PTPRN2: variants seen among roughly 807,000 people sequenced by gnomAD.
PTPRN2 encodes the protein receptor-type tyrosine-protein phosphatase N2.
PTPRN2 carries 74 observed loss-of-function variants against 118.8 expected under a neutral mutation model. That is an observed-to-expected ratio of 0.62 (90% confidence interval 0.52 to 0.76). PTPRN2 has a LOEUF of 0.76. Ranked by LOEUF, PTPRN2 falls within the 30% of genes least tolerant of loss-of-function variation. The probability of loss-of-function intolerance (pLI) is 0.00; values close to 1 mark genes in which losing one functional copy is unlikely to be tolerated. For synonymous variants in PTPRN2, 641 were observed against 608.0 expected, an observed-to-expected ratio of 1.05 and a Z score of -0.80; for missense variants, 1,481 against 1,394.4, an observed-to-expected ratio of 1.06 and a Z score of -0.99.
intron 3 of PTPRN2, among the ~76,000 whole-genome samples, chr7:158,236,121 C>T (rs1041371267): frequency 1.1e-4 from 17 of 152,304 alleles, no homozygotes; most frequent in African/African-American, 4.1e-4. Context: ...TGAGTAGATC[C>T]CAGGCACCAT....
intron 9 of PTPRN2, among the ~76,000 whole-genome samples, chr7:158,114,106 A>G (rs1351898169): frequency 6.6e-6 from 1 of 152,246 alleles, no homozygotes; most frequent in African/African-American, 2.4e-5. Flanking sequence ...TTGTAGGTGA[A>G]GGTGACAGCT....
chr7:158,524,305 AGTCGGCCCTGG>A (rs1824579105), intron 1 of PTPRN2, among the ~76,000 whole-genome samples: 1 of 35,486 alleles, frequency 2.8e-5, no homozygotes, highest in Non-Finnish European at 5.8e-5. Flanking sequence ...CCTGGAGTGG[AGTCGGCCCTGG>A]AGTGGAGTCT....
chr7:157,686,766 T>TGAG (rs1162798653), intron 12 of PTPRN2, among the ~76,000 whole-genome samples: 9 of 151,232 alleles, frequency 6.0e-5, no homozygotes, highest in East Asian at 3.9e-4. Context: ...AGAGAAGAAG[T>TGAG]GAGGAGGAGG....
chr7:158,462,099 T>C, intron 2 of PTPRN2, among the ~76,000 whole-genome samples: 1 of 22,806 alleles, frequency 4.4e-5, no homozygotes, highest in African/African-American at 1.2e-4. Context: ...CTCTGCTTTC[T>C]AGGTCCACAC....
At chr7:158,404,776 CCCAGCTCTCCGGCCT>C (rs1298675122) in intron 2 of PTPRN2, among the ~76,000 whole-genome samples, 1 of 144,882 alleles carries the variant, frequency 6.9e-6, no homozygotes, top group East Asian at 2.1e-4. Flanking sequence ...CTCCCCGGCC[CCCAGCTCTCCGGCCT>C]CCAGCTCCCT....
chr7:158,315,762 A>T (rs556179619), intron 3 of PTPRN2, among the ~76,000 whole-genome samples: 1 of 152,254 alleles, frequency 6.6e-6, no homozygotes, highest in Non-Finnish European at 1.5e-5. Flanking sequence ...GGGAAGAGAC[A>T]TATTAGATAG....
At chr7:157,820,184 A>C (rs1258181092) in intron 12 of PTPRN2, among the ~76,000 whole-genome samples, 2 of 147,868 alleles carry the variant, frequency 1.4e-5, no homozygotes, top group Non-Finnish European at 3.0e-5. Flanking sequence ...ACACTTATGC[A>C]CTCACATATA....
intron 12 of PTPRN2, among the ~76,000 whole-genome samples, chr7:157,829,434 C>T (rs1267595149): frequency 1.3e-5 from 2 of 152,198 alleles, no homozygotes; most frequent in African/African-American, 4.8e-5. Context: ...CGTGAGGCCA[C>T]AGATGCGGGC....
chr7:158,508,679 G>A (rs1385372918), intron 1 of PTPRN2, among the ~76,000 whole-genome samples: 22 of 86,102 alleles, frequency 2.6e-4, no homozygotes, highest in South Asian at 6.1e-4. Context: ...TGGGACGCTC[G>A]GAGCAGGTGC....
intron 11 of PTPRN2, among the ~76,000 whole-genome samples, chr7:157,960,122 G>A (rs1045534454): frequency 6.6e-6 from 1 of 150,796 alleles, no homozygotes; most frequent in African/African-American, 2.4e-5. Context: ...GAGGTCCCTA[G>A]GGTCATCAGA....
At position 158,121,536 on chromosome 7, in the gene PTPRN2, A is replaced by C. The variant is rs543427101; in HGVS notation, c.1557-10621T>G. Among the ~76,000 whole-genome samples, 136 of 152,314 alleles carry C rather than the reference A, an allele frequency of 8.9e-4. 1 individual carries two copies. The highest frequency in any genetic ancestry group is 3.3e-3 in the African/African-American group (136 of 41,560). ...AACTTCCCAATCAATGTTTGCTACC[A>C]AATTCCATGAGTCTCCTTTTCTAGC... is the stretch of plus-strand genomic sequence containing the variant. On this transcript the variant is annotated intron_variant, in intron 9 of 22. Transcript: ENST00000389418.
At chr7:157,755,470 G>A (rs558022107) in intron 12 of PTPRN2, among the ~76,000 whole-genome samples, 1 of 152,256 alleles carries the variant, frequency 6.6e-6, no homozygotes, top group Admixed American at 6.5e-5. Flanking sequence ...TCACGGGGGG[G>A]TTTGAGAAGT....
At chr7:158,466,996 G>A (rs1176109653) in intron 2 of PTPRN2, among the ~76,000 whole-genome samples, 4 of 152,160 alleles carry the variant, frequency 2.6e-5, no homozygotes, top group South Asian at 2.1e-4. Context: ...AGCTGAGATC[G>A]TGCCACTGTA....
At chr7:158,175,311 G>A (rs966188794) in intron 5 of PTPRN2, among the ~76,000 whole-genome samples, 5 of 152,306 alleles carry the variant, frequency 3.3e-5, no homozygotes, top group South Asian at 2.1e-4. Flanking sequence ...CACCGGATGC[G>A]GCCAGGTTTG....
chr7:157,576,741 G>A lies in PTPRN2; in HGVS notation c.2655C>T (p.Phe885=), dbSNP rs1800071100. 6.2e-7 allele frequency: 1 copy of A among 1,609,048 alleles called. No individual in the cohort carries two copies. Among genetic ancestry groups the A allele is most frequent in the Non-Finnish European group, 8.5e-7 (1 of 1,177,514 alleles). ...LVSEHIWCED[F]LVRSFYLKNL... is the part of the protein sequence containing the mutation. ...TCTTCAGATAGAAGCTCCTCACCAG[G>A]AAGTCCTCACACCAGATGTGCTCGG... is the stretch of plus-strand genomic sequence containing the variant. The change falls in exon 19 of 23, where the codon TTC becomes TTT. Residue 885 remains phenylalanine (F), a synonymous_variant. Coordinates refer to ENST00000389418, the MANE Select transcript of PTPRN2 (RefSeq NM_002847.5).
intron 4 of PTPRN2, among the ~76,000 whole-genome samples, chr7:158,204,239 T>A (rs867243979): frequency 2.0e-4 from 22 of 107,868 alleles, no homozygotes; most frequent in African/African-American, 7.0e-4. Flanking sequence ...TGTGCGCCGC[T>A]TGCTGGGGAA....
rs1220615374 is a variant in PTPRN2, at chr7:157,990,806, C to G, written c.1723+90492G>C. 6.6e-6 allele frequency among the ~76,000 whole-genome samples: 1 copy of G among 152,118 alleles called. No homozygotes were observed. Among genetic ancestry groups the G allele is most frequent in the Non-Finnish European group, 1.5e-5 (1 of 68,006 alleles). On this transcript the variant is annotated intron_variant, in intron 11 of 22. Coordinates refer to ENST00000389418, the MANE Select transcript of PTPRN2 (RefSeq NM_002847.5). This position sits in a 1 kb window ranked among gnomAD's most constrained non-coding sequence, Gnocchi z 4.3. ...ACAGTGGGAGGGAGGACTTGGCGCA[C>G]AGTGGGTGAGTGAATGGACAGGCAG...
At chr7:158,302,166 T>C (rs924217921) in intron 3 of PTPRN2, among the ~76,000 whole-genome samples, 4 of 152,216 alleles carry the variant, frequency 2.6e-5, no homozygotes, top group Non-Finnish European at 5.9e-5. Context: ...TGGTGGGTAC[T>C]GTGACAGCCA....
At chr7:157,645,755 G>A (rs1805028882) in intron 14 of PTPRN2, among the ~76,000 whole-genome samples, 1 of 152,166 alleles carries the variant, frequency 6.6e-6, no homozygotes, top group South Asian at 2.1e-4. Context: ...GGAGGGGGCT[G>A]GGCCCCAGAG....
Sources: allele counts gnomAD v4.1 joint callset (sites outside exome capture counted in the v4.1 genomes callset), GRCh38; gene constraint gnomAD v4.1.1; non-coding constraint Gnocchi (gnomAD v3.1); transcripts MANE v1.5; gene names NCBI Gene and HGNC (gene_info 2026-07-23, HGNC 2026-07-21).